ARHGAP12: variants seen among roughly 807,000 people sequenced by gnomAD.
ARHGAP12 encodes rho GTPase-activating protein 12.
ARHGAP12 carries 64 observed loss-of-function variants against 108.6 expected under a neutral mutation model. The ratio of observed to expected loss-of-function variants is 0.59; its 90% CI spans 0.48 to 0.73. The LOEUF (loss-of-function observed/expected upper bound fraction) is 0.73, where lower values mean the gene tolerates loss of function less well. ARHGAP12 is among the 30% of genes least tolerant of loss of function. The pLI, the probability that ARHGAP12 is intolerant of heterozygous loss-of-function variation, is 0.00. For missense variants in ARHGAP12, 940 were observed against 1,005.9 expected, an observed-to-expected ratio of 0.93 and a Z score of 0.89; for synonymous variants, 312 against 337.2, an observed-to-expected ratio of 0.93 and a Z score of 0.82.
chr10:31,820,766 C>A (rs146311187), intron 11 of ARHGAP12, among the ~76,000 whole-genome samples: 1 of 149,066 alleles, frequency 6.7e-6, no homozygotes, highest in East Asian at 2.0e-4. Flanking sequence ...TTTTTACCCA[C>A]CAGAGTGGGA....
At chr10:31,920,203 AGCACTCTGGGAGG>A (rs1391645805) in intron 1 of ARHGAP12, among the ~76,000 whole-genome samples, 1 of 152,020 alleles carries the variant, frequency 6.6e-6, no homozygotes. Flanking sequence ...CTGTAATCCC[AGCACTCTGGGAGG>A]CAGAGGTGGG....
rs529746016 is a variant in ARHGAP12 at position 31,861,002 on chromosome 10, A to G, written c.948+393T>C. Among the ~76,000 whole-genome samples, 22 of 152,350 alleles carry G rather than the reference A, an allele frequency of 1.4e-4. No individual in the cohort carries two copies. The South Asian group carries it at 3.9e-3, about 27-fold the overall frequency. ...CCCAAGAGTTTGAGGCTACAGTGAG[A>G]TATCATTGCACCAGGGCTCTCCAGC... On this transcript the variant is annotated intron_variant, in intron 4 of 19. Coordinates refer to ENST00000344936, the MANE Select transcript of ARHGAP12 (RefSeq NM_018287.7).
chr10:31,857,523 TC>T (rs1836933460), intron 4 of ARHGAP12, among the ~76,000 whole-genome samples: 1 of 152,148 alleles, frequency 6.6e-6, no homozygotes, highest in Admixed American at 6.5e-5. Context: ...GAGCCTATAT[TC>T]AGATACAGCT....
intron 4 of ARHGAP12, among the ~76,000 whole-genome samples, chr10:31,860,865 G>C (rs954090268): frequency 6.6e-6 from 1 of 152,156 alleles, no homozygotes; most frequent in Non-Finnish European, 1.5e-5. Flanking sequence ...GGGACTGCTT[G>C]AAGTCAGGCG....
chr10:31,841,937 G>A (rs1836284480), intron 7 of ARHGAP12, among the ~76,000 whole-genome samples: 1 of 151,990 alleles, frequency 6.6e-6, no homozygotes, highest in Non-Finnish European at 1.5e-5. Context: ...AAAGGGTAAG[G>A]TAGAGGGTAA....
At chr10:31,811,822 C>A (rs1305815973) in intron 15 of ARHGAP12, among the ~76,000 whole-genome samples, 1 of 152,012 alleles carries the variant, frequency 6.6e-6, no homozygotes, top group Non-Finnish European at 1.5e-5. Flanking sequence ...GTGTGTGCCA[C>A]CACACCCAAC....
chr10:31,854,313 T>G, intron 4 of ARHGAP12, 107 bp from the exon 5 acceptor site: 2 of 926,478 alleles, frequency 2.2e-6, no homozygotes, highest in Non-Finnish European at 3.1e-6. Flanking sequence ...GAAGATATCT[T>G]AAATATATCT....
intron 1 of ARHGAP12, among the ~76,000 whole-genome samples, chr10:31,920,449 C>CAAAAAAGAAAA (rs1839749753): frequency 1.7e-5 from 1 of 59,614 alleles, no homozygotes; most frequent in African/African-American, 7.4e-5. Context: ...GACTCCGTCT[C>CAAAAAAGAAAA]AAAAAAAAAA....
At chr10:31,843,040 T>A (rs985164626) in intron 7 of ARHGAP12, among the ~76,000 whole-genome samples, 2 of 152,098 alleles carry the variant, frequency 1.3e-5, no homozygotes. Flanking sequence ...TTAAATGTCT[T>A]CCCTATGAAA....
At position 31,908,294 on chromosome 10, in the gene ARHGAP12, C is replaced by A; in HGVS notation, c.562G>T (p.Val188Leu). 1 of 1,614,134 alleles carries A rather than the reference C, an allele frequency of 6.2e-7. No individual in the cohort carries two copies. Among genetic ancestry groups the A allele is most frequent in the Non-Finnish European group, 8.5e-7 (1 of 1,180,022 alleles). Residue 188 changes from valine (V) to leucine (L), a missense_variant, in exon 3 of 20, where the codon GTA (valine) becomes TTA (leucine). By Grantham distance (32) the Val-to-Leu change is conservative. Transcript: ENST00000344936. The part of the protein sequence containing the change: ...GHFPGPEFLD[V>L]EKTSFSQEQS... ...TCCTGGGAGAAGCTAGTTTTCTCTA[C>A]ATCCAAGAACTCTGGACCGGGAAAA...
rs1337736224 is a variant in ARHGAP12 at position 31,843,566 on chromosome 10, CT to C, written c.1190del (p.Gln397ArgfsTer5). On this transcript the variant is annotated frameshift_variant, in exon 7 of 20. Coordinates refer to ENST00000344936, the MANE Select transcript of ARHGAP12 (RefSeq NM_018287.7). LOFTEE classifies it high-confidence loss of function. ...TCCTACTTTTAATTATTTCTCTTTG[CT>C]GCTGGGATGAAGCATTATACTAAAA... ...ELPKYNASSQ[Q>X]QREIIKSRSL... 2 of 1,607,544 alleles carry C rather than the reference CT, an allele frequency of 1.2e-6. No individual in the cohort carries two copies.
rs568034763 is a variant in ARHGAP12 at position 31,824,314 on chromosome 10, T to A, written c.1530+1990A>T. ...TATGTTTTTTAAAATTATACCTGTCTGAACTGATTATATTAATACTATATC... is the reference window on the plus strand; with the variant it reads ...TATGTTTTTTAAAATTATACCTGTCAGAACTGATTATATTAATACTATATC... On this transcript the variant is annotated intron_variant, in intron 11 of 19. Coordinates refer to ENST00000344936, the MANE Select transcript of ARHGAP12 (RefSeq NM_018287.7). Among the ~76,000 whole-genome samples, 80 of 152,318 alleles carry A rather than the reference T, an allele frequency of 5.3e-4. No individual in the cohort carries two copies. The South Asian group carries it at 0.016, about 30-fold the overall frequency.
intron 1 of ARHGAP12, among the ~76,000 whole-genome samples, chr10:31,920,452 A>AAAAAAAAAAAAAAAAAAAAAAAAAAC (rs1839751884): frequency 6.9e-6 from 1 of 144,344 alleles, no homozygotes; most frequent in Non-Finnish European, 1.5e-5. Context: ...TCCGTCTCAA[A>AAAAAAAAAAAAAAAAAAAAAAAAAAC]AAAAAAAAAA....
intron 10 of ARHGAP12, among the ~76,000 whole-genome samples, chr10:31,828,321 T>C (rs983092271): frequency 1.3e-5 from 2 of 152,164 alleles, no homozygotes; most frequent in African/African-American, 4.8e-5. Flanking sequence ...CACCTTTTTC[T>C]TTCAATAGAT....
chr10:31,883,713 CT>C (rs545505761), intron 3 of ARHGAP12, among the ~76,000 whole-genome samples: 1,441 of 139,616 alleles, frequency 0.01, 7 homozygotes, highest in Middle Eastern at 0.019. Context: ...ATGTAAAATA[CT>C]TTTTTTTTTT....
chr10:31,873,008 G>C (rs374660420), intron 3 of ARHGAP12, among the ~76,000 whole-genome samples: 2 of 152,062 alleles, frequency 1.3e-5, no homozygotes, highest in African/African-American at 4.8e-5. Flanking sequence ...ATGTTCCCCT[G>C]TTCCCCAAAG....
chr10:31,814,414 T>C, intron 13 of ARHGAP12, 53 bp from the exon 14 acceptor site: 1 of 1,386,996 alleles, frequency 7.2e-7, no homozygotes, highest in Non-Finnish European at 1.0e-6. Flanking sequence ...ATTACTATAG[T>C]TGGAATGGCA....
At position 31,820,374 on chromosome 10, in the gene ARHGAP12, A is replaced by G; in HGVS notation, c.1632+13T>C. 6.3e-7 allele frequency: 1 copy of G among 1,587,292 alleles called. No individual in the cohort carries two copies. The highest frequency in any genetic ancestry group is 8.6e-7 in the Non-Finnish European group (1 of 1,167,002). ...AGTTTAGAATGTGTTATACTTAGAA[A>G]AAAATGTATTACCTCAAATACATTC... On this transcript the variant is annotated intron_variant, in intron 12 of 19. Coordinates refer to ENST00000344936, the MANE Select transcript of ARHGAP12 (RefSeq NM_018287.7).
chr10:31,845,745 A>G (rs778880478), intron 6 of ARHGAP12, among the ~76,000 whole-genome samples: 8 of 152,154 alleles, frequency 5.3e-5, no homozygotes, highest in Non-Finnish European at 1.0e-4. Flanking sequence ...AAATTTCACC[A>G]CTGCACTCCA....
Sources: allele counts gnomAD v4.1 joint callset (sites outside exome capture counted in the v4.1 genomes callset), GRCh38; gene constraint gnomAD v4.1.1; transcripts MANE v1.5; gene names NCBI Gene and HGNC (gene_info 2026-07-23, HGNC 2026-07-21).